Variants in DNAH14 observed in about 807,000 individuals in gnomAD.
The protein encoded by DNAH14 is axonemal beta dynein heavy chain 14.
DNAH14 carries 478 observed loss-of-function variants against 520.9 expected under a neutral mutation model. The observed-to-expected ratio is 0.92, with a 90% CI of 0.85 to 0.99. DNAH14 has a LOEUF of 0.99. Among genes scored for constraint, DNAH14 ranks in the 50% least tolerant of loss-of-function variants. DNAH14 has a pLI of 0.00. For missense variants in DNAH14, 4,831 were observed against 5,234.5 expected, an observed-to-expected ratio of 0.92 and a Z score of 2.38; for synonymous variants, 1,581 against 1,757.2, an observed-to-expected ratio of 0.90 and a Z score of 2.51.
intron 21 of DNAH14, among the ~76,000 whole-genome samples, chr1:225,091,834 A>C (rs2074424538): frequency 6.6e-6 from 1 of 152,148 alleles, no homozygotes; most frequent in African/African-American, 2.4e-5. Flanking sequence ...GACCCATCTT[A>C]ACTGCAAGGA....
intron 81 of DNAH14, among the ~76,000 whole-genome samples, chr1:225,384,130 A>G (rs1285908028): frequency 2.6e-5 from 4 of 152,158 alleles, no homozygotes; most frequent in East Asian, 3.9e-4. Context: ...GTTCTTTTAC[A>G]TTTGCTGAGG....
chr1:225,299,443 C>T (rs34179534), intron 55 of DNAH14, among the ~76,000 whole-genome samples: 2 of 152,064 alleles, frequency 1.3e-5, no homozygotes, highest in African/African-American at 4.8e-5. Context: ...AATCCAAGTG[C>T]CATATCATAT....
chr1:225,351,383 T>G (rs952524948), intron 71 of DNAH14, among the ~76,000 whole-genome samples: 1 of 152,160 alleles, frequency 6.6e-6, no homozygotes, highest in African/African-American at 2.4e-5. Flanking sequence ...AGAATGAGAC[T>G]CTGTCTCAAA....
chr1:225,286,154 G>A (rs747049269), intron 54 of DNAH14, among the ~76,000 whole-genome samples: 2 of 152,156 alleles, frequency 1.3e-5, no homozygotes, highest in Non-Finnish European at 2.9e-5. Flanking sequence ...GCCAGGAAGG[G>A]GAGAGGAGGG....
intron 77 of DNAH14, among the ~76,000 whole-genome samples, chr1:225,374,182 T>TATATATATAC (rs1263904206): frequency 3.1e-5 from 3 of 97,128 alleles, no homozygotes; most frequent in South Asian, 3.4e-4. Context: ...TATATATATA[T>TATATATATAC]ACTATTCTAG....
chr1:225,337,122 T>G (rs1459392792), intron 66 of DNAH14, 144 bp from the exon 67 acceptor site: 1 of 757,228 alleles, frequency 1.3e-6, no homozygotes, highest in Non-Finnish European at 2.1e-6. Context: ...TAAGTTGCTT[T>G]AAACTGTTCA....
intron 54 of DNAH14, among the ~76,000 whole-genome samples, chr1:225,285,865 A>T (rs1234987345): frequency 6.6e-6 from 1 of 152,212 alleles, no homozygotes; most frequent in Non-Finnish European, 1.5e-5. Context: ...TCAAAAAAAT[A>T]GAAATAAATG....
At chr1:225,043,218 C>A in intron 13 of DNAH14, 104 bp downstream of exon 13, 1 of 1,148,366 alleles carries the variant, frequency 8.7e-7, no homozygotes, top group Non-Finnish European at 1.2e-6. Context: ...TCACTTGATG[C>A]CAGAAGTTTG....
chr1:225,265,999 T>C (rs2093101870), intron 48 of DNAH14, among the ~76,000 whole-genome samples: 1 of 152,102 alleles, frequency 6.6e-6, no homozygotes, highest in Non-Finnish European at 1.5e-5. Context: ...GTGGGTTTTT[T>C]ACGTTGCTTC....
intron 1 of DNAH14, among the ~76,000 whole-genome samples, chr1:224,938,277 G>A (rs577252381): frequency 2.0e-5 from 3 of 152,188 alleles, no homozygotes; most frequent in South Asian, 2.1e-4. Context: ...AAGGGAGAAC[G>A]TATTTGCAAC....
chr1:225,370,436 C>T (rs1015918835), intron 77 of DNAH14, among the ~76,000 whole-genome samples: 3 of 152,114 alleles, frequency 2.0e-5, no homozygotes, highest in Admixed American at 6.6e-5. Context: ...AGGAGGATCA[C>T]TTGACCCCAG....
At chr1:225,239,079 T>C (rs1181549586) in intron 42 of DNAH14, among the ~76,000 whole-genome samples, 1 of 152,164 alleles carries the variant, frequency 6.6e-6, no homozygotes, top group African/African-American at 2.4e-5. Context: ...CTGGCTGGAA[T>C]TCCAAGTCAG....
At position 225,185,364 on chromosome 1, in the gene DNAH14, C is replaced by A; in HGVS notation, c.5609C>A (p.Ala1870Glu). 1.3e-6 allele frequency: 2 copies of A among 1,547,666 alleles called. No homozygotes were observed. The highest frequency in any genetic ancestry group is 2.7e-5 in the African/African-American group (2 of 72,918). ...KTTVRRILEK[A>E]LTLLPIADFL... is the part of the protein sequence containing the mutation. ...ACAGTCAGAAGAATTTTGGAAAAAG[C>A]ATTAACGCTATTACCAATTGCAGAC... Residue 1870 changes from alanine (A) to glutamate (E), a missense_variant, in exon 37 of 86, where the codon GCA (alanine) becomes GAA (glutamate). By Grantham distance (107) the Ala-to-Glu change is moderately radical. Coordinates refer to ENST00000682510, the MANE Select transcript of DNAH14 (RefSeq NM_001367479.1).
intron 55 of DNAH14, among the ~76,000 whole-genome samples, chr1:225,298,798 G>C (rs1313677847): frequency 2.6e-5 from 4 of 152,186 alleles, no homozygotes; most frequent in Non-Finnish European, 1.5e-5. Context: ...CCTAAAATGG[G>C]CCCAGGGCTA....
At chr1:224,937,478 C>A (rs1050620421) in intron 1 of DNAH14, among the ~76,000 whole-genome samples, 2 of 151,660 alleles carry the variant, frequency 1.3e-5, no homozygotes, top group Non-Finnish European at 2.9e-5. Flanking sequence ...TATAAAATAC[C>A]TAGAAATCAA....
At chr1:225,093,354 T>C (rs1256904678) in intron 21 of DNAH14, among the ~76,000 whole-genome samples, 1 of 152,056 alleles carries the variant, frequency 6.6e-6, no homozygotes, top group African/African-American at 2.4e-5. Context: ...ATGGGATTCA[T>C]TACATAAACA....
chr1:225,150,622 T>C (rs924367626), intron 31 of DNAH14, among the ~76,000 whole-genome samples: 12 of 152,190 alleles, frequency 7.9e-5, no homozygotes, highest in African/African-American at 2.9e-4. Flanking sequence ...TGGTTCAGCC[T>C]TGGGAGGGTG....
chr1:225,212,691 G>A (rs1372231780), intron 41 of DNAH14, among the ~76,000 whole-genome samples: 1 of 152,168 alleles, frequency 6.6e-6, no homozygotes, highest in Non-Finnish European at 1.5e-5. Flanking sequence ...TTTTTTGGCT[G>A]CATAAATTTC....
At chr1:225,373,599 A>G (rs375364288) in intron 77 of DNAH14, among the ~76,000 whole-genome samples, 24 of 152,190 alleles carry the variant, frequency 1.6e-4, no homozygotes, top group Admixed American at 3.3e-4. Context: ...AAAGAAGTCA[A>G]CCTATGTGCA....
Sources: gnomAD v4.1 joint callset for allele counts (sites outside exome capture counted in the v4.1 genomes callset) on GRCh38, gnomAD v4.1.1 for gene constraint, MANE v1.5 for transcripts, NCBI Gene and HGNC (gene_info 2026-07-23, HGNC 2026-07-21) for gene names.